SDK2: variants seen among roughly 807,000 people sequenced by gnomAD.
SDK2 encodes sidekick cell adhesion molecule 2.
SDK2 carries 105 observed loss-of-function variants against 253.9 expected under a neutral mutation model. The ratio of observed to expected loss-of-function variants is 0.41; its 90% confidence interval spans 0.35 to 0.49. The LOEUF (loss-of-function observed/expected upper bound fraction) is 0.49. SDK2 is among the 20% of genes least tolerant of loss of function. The pLI is 0.06. For missense variants in SDK2, 2,608 were observed against 3,003.0 expected (o/e 0.87, Z 3.07); for synonymous variants, 1,249 against 1,234.9 (o/e 1.01, Z -0.24).
At position 73,401,994 on chromosome 17, in the gene SDK2, C is replaced by T; in HGVS notation, c.2632G>A (p.Gly878Arg). The change falls in exon 19 of 45, where the codon GGG becomes AGG. Residue 878 changes from glycine (G) to arginine (R), a missense_variant. Coordinates refer to ENST00000392650, the MANE Select transcript of SDK2 (RefSeq NM_001144952.2). Reference protein sequence around the residue: ...FTSVLCFTTPGDGPRSTPQLV... With the variant: ...FTSVLCFTTPRDGPRSTPQLV... ...TGCGGGGTGCTGCGTGGCCCGTCCC[C>T]GGGGGTGGTGAAACACAGCACTGAG... 1.2e-6 allele frequency: 2 copies of T among 1,613,504 alleles called. No homozygotes were observed. Among genetic ancestry groups the T allele is most frequent in the Non-Finnish European group, 1.7e-6 (2 of 1,179,726 alleles).
intron 4 of SDK2, among the ~76,000 whole-genome samples, chr17:73,451,895 A>G (rs976461940): frequency 3.9e-5 from 6 of 152,156 alleles, no homozygotes; most frequent in African/African-American, 1.4e-4. Context: ...AAGCTGGAGG[A>G]AGAATTCTTG....
At chr17:73,543,949 G>A (rs1477016097) in intron 1 of SDK2, among the ~76,000 whole-genome samples, 1 of 152,214 alleles carries the variant, frequency 6.6e-6, no homozygotes, top group Non-Finnish European at 1.5e-5. Context: ...TGCAGGCAGA[G>A]GGACATCTAG....
chr17:73,586,793 A>G (rs1205325425), intron 1 of SDK2, among the ~76,000 whole-genome samples: 1 of 152,246 alleles, frequency 6.6e-6, no homozygotes, highest in Non-Finnish European at 1.5e-5. Context: ...AAAGGCTTTC[A>G]GAGATTTTAT....
At chr17:73,342,738 G>C (rs929884861) in intron 44 of SDK2, among the ~76,000 whole-genome samples, 4 of 152,176 alleles carry the variant, frequency 2.6e-5, no homozygotes, top group African/African-American at 9.6e-5. Context: ...TTGTGGCACG[G>C]GGAAGTTCTG....
At chr17:73,392,141 G>C (rs376152913) in intron 27 of SDK2, among the ~76,000 whole-genome samples, 2 of 143,416 alleles carry the variant, frequency 1.4e-5, no homozygotes, top group East Asian at 4.7e-4. Context: ...TGGAGATGAA[G>C]ATTGAATGGA....
chr17:73,573,671 C>T (rs947041896), intron 1 of SDK2, among the ~76,000 whole-genome samples: 2 of 152,236 alleles, frequency 1.3e-5, no homozygotes, highest in African/African-American at 2.4e-5. Context: ...CCCAGGCATG[C>T]CTGCTCCCCT....
chr17:73,560,786 G>T (rs1236527604), intron 1 of SDK2, among the ~76,000 whole-genome samples: 1 of 152,216 alleles, frequency 6.6e-6, no homozygotes, highest in Non-Finnish European at 1.5e-5. Context: ...TGCTTACAGG[G>T]CTACTGTGAG....
intron 1 of SDK2, among the ~76,000 whole-genome samples, chr17:73,540,838 G>A (rs1312273997): frequency 1.3e-5 from 2 of 152,198 alleles, no homozygotes; most frequent in Non-Finnish European, 2.9e-5. Flanking sequence ...CCTAAGTCAG[G>A]CCCTACCCGG....
chr17:73,507,877 G>A (rs752976897), intron 1 of SDK2, among the ~76,000 whole-genome samples: 4 of 152,166 alleles, frequency 2.6e-5, no homozygotes, highest in African/African-American at 4.8e-5. Flanking sequence ...AGCATCTTCT[G>A]TCACTTCCCT....
chr17:73,525,284 G>C (rs1456806479), intron 1 of SDK2, among the ~76,000 whole-genome samples: 1 of 152,166 alleles, frequency 6.6e-6, no homozygotes, highest in Non-Finnish European at 1.5e-5. Flanking sequence ...CGCCAGGAGG[G>C]TCCTAGGAGA....
intron 2 of SDK2, among the ~76,000 whole-genome samples, chr17:73,495,298 G>T (rs1339355327): frequency 6.6e-6 from 1 of 152,244 alleles, no homozygotes; most frequent in Admixed American, 6.5e-5. Context: ...CTCAATGGGG[G>T]TGCTGTTGCC....
intron 18 of SDK2, among the ~76,000 whole-genome samples, chr17:73,412,103 TA>T (rs1568389512): frequency 1.8e-5 from 1 of 54,834 alleles, no homozygotes; most frequent in Non-Finnish European, 4.6e-5. Flanking sequence ...CGTATATATG[TA>T]TACGTATATA....
intron 28 of SDK2, among the ~76,000 whole-genome samples, chr17:73,390,709 AGT>A: frequency 6.6e-6 from 1 of 152,310 alleles, no homozygotes; most frequent in South Asian, 2.1e-4. Context: ...CTCTATGCAC[AGT>A]GTCTGTGACC....
chr17:73,577,449 G>GT (rs1235882035), intron 1 of SDK2, among the ~76,000 whole-genome samples: 1 of 152,206 alleles, frequency 6.6e-6, no homozygotes, highest in Non-Finnish European at 1.5e-5. Context: ...TCAAGAAGCC[G>GT]TAAGTTCAGT....
chr17:73,536,871 C>T (rs766123292), intron 1 of SDK2, among the ~76,000 whole-genome samples: 5 of 152,224 alleles, frequency 3.3e-5, no homozygotes, highest in Admixed American at 2.6e-4. Flanking sequence ...AGTCTAATCT[C>T]GGCCTCCTGA....
rs895186322 is a variant in SDK2 at position 73,447,904 on chromosome 17, C to A, written c.480-156G>T. ...CCACCCCCTCCCCAACCTCTTACTG[C>A]CTACATCCCGCCACGTTTAGTTTGC... On this transcript the variant is annotated intron_variant, in intron 4 of 44. Coordinates refer to ENST00000392650, the MANE Select transcript of SDK2 (RefSeq NM_001144952.2). The surrounding 1 kb of genome is among the most constrained non-coding windows in gnomAD (Gnocchi z 4.0). Among the ~76,000 whole-genome samples, 38 of 152,122 alleles carry A rather than the reference C, an allele frequency of 2.5e-4. No individual in the cohort carries two copies. Among genetic ancestry groups the A allele is most frequent in the African/African-American group, 8.9e-4 (37 of 41,406 alleles).
At chr17:73,608,040 C>A (rs2045929313) in intron 1 of SDK2, among the ~76,000 whole-genome samples, 1 of 152,076 alleles carries the variant, frequency 6.6e-6, no homozygotes, top group South Asian at 2.1e-4. Context: ...AACTACACCC[C>A]ACAGTACACT....
Position 73,437,985 on chromosome 17 carries a change from C to T in SDK2, c.895G>A (p.Gly299Ser), listed in dbSNP as rs1179974111. ...TCACCCAGCACTGAGAGGTAGGCGC[C>T]CCGGACAACAGAGGGGACGCTGCTG... ...RSSSVPSVVRGAYLSVLEPPQ... is the reference protein window; with the variant it reads ...RSSSVPSVVRSAYLSVLEPPQ... Residue 299 changes from glycine to serine, a missense_variant, in exon 7 of 45, where the codon GGC becomes AGC. Coordinates refer to ENST00000392650, the MANE Select transcript of SDK2 (RefSeq NM_001144952.2). 3.2e-6 allele frequency: 5 copies of T among 1,550,906 alleles called. No homozygotes were observed. The highest frequency in any genetic ancestry group is 4.4e-6 in the Non-Finnish European group (5 of 1,146,656).
intron 1 of SDK2, among the ~76,000 whole-genome samples, chr17:73,571,338 C>T (rs569939883): frequency 9.7e-4 from 147 of 152,286 alleles, no homozygotes; most frequent in African/African-American, 3.2e-3. Flanking sequence ...GGCTTCCTGC[C>T]TCACTGAGGC....
Sources: allele counts gnomAD v4.1 joint callset (sites outside exome capture counted in the v4.1 genomes callset), GRCh38; gene constraint gnomAD v4.1.1; non-coding constraint Gnocchi (gnomAD v3.1); transcripts MANE v1.5; gene names NCBI Gene and HGNC (gene_info 2026-07-23, HGNC 2026-07-21).